SLC44A3: variants seen among roughly 807,000 people sequenced by gnomAD.
The protein encoded by SLC44A3 is solute carrier family 44 member 3, also known as choline transporter-like protein 3.
Under a neutral mutation model 75.4 loss-of-function variants are expected in SLC44A3, and 74 were observed. The ratio of observed to expected loss-of-function variants is 0.98; its 90% CI spans 0.81 to 1.19. The LOEUF (loss-of-function observed/expected upper bound fraction) is 1.19. Among genes scored for constraint, SLC44A3 ranks in the 50% most tolerant of loss-of-function variants. The pLI, the probability that SLC44A3 is intolerant of heterozygous loss-of-function variation, is 0.00. For synonymous variants in SLC44A3, 310 were observed against 296.9 expected, an observed-to-expected ratio of 1.04 and a Z score of -0.45; for missense variants, 700 against 778.6, an observed-to-expected ratio of 0.90 and a Z score of 1.20.
chr1:94,824,637 T>C lies in SLC44A3; in HGVS notation c.278+2T>C. On this transcript the variant is annotated splice_donor_variant, in intron 3 of 14. Transcript: ENST00000271227. LOFTEE classifies it high-confidence loss of function. ...AGGGCAGGACATGACCCTAAAAAAGTAAGTATCTAAATAAGTCCCCAGTCT... is the reference window on the plus strand; with the variant it reads ...AGGGCAGGACATGACCCTAAAAAAGCAAGTATCTAAATAAGTCCCCAGTCT... 6.4e-7 allele frequency: 1 copy of C among 1,574,176 alleles called. No individual in the cohort carries two copies. Among genetic ancestry groups the C allele is most frequent in the Non-Finnish European group, 8.6e-7 (1 of 1,165,694 alleles).
intron 5 of SLC44A3, among the ~76,000 whole-genome samples, chr1:94,837,076 T>C (rs1370464047): frequency 1.3e-5 from 2 of 152,110 alleles, no homozygotes; most frequent in Admixed American, 6.6e-5. Flanking sequence ...AAACCAGGCA[T>C]GTAAGGGCAA....
In SLC44A3 at chr1:94,857,379, C is replaced by G; in HGVS notation, c.1117C>G (p.Leu373Val). Residue 373 changes from leucine (L) to valine (V), a missense_variant, in exon 10 of 15, where the codon CTT becomes GTT. By Grantham distance (32) the Leu-to-Val change is conservative. Coordinates refer to ENST00000271227, the MANE Select transcript of SLC44A3 (RefSeq NM_001114106.3). ...AGGCGGCCAAGTGGAATATAAGCCC[C>G]TTTCGGGCATTCGGTACATGTGGTC... ...MEGGQVEYKP[L>V]SGIRYMWSYH... 1.2e-6 allele frequency: 2 copies of G among 1,613,518 alleles called. No individual in the cohort carries two copies. The highest frequency in any genetic ancestry group is 2.2e-5 in the South Asian group (2 of 90,902).
chr1:94,890,506 A>C (rs1169119129), intron 12 of SLC44A3, among the ~76,000 whole-genome samples: 2 of 152,188 alleles, frequency 1.3e-5, no homozygotes, highest in African/African-American at 4.8e-5. Flanking sequence ...ACCTTCCTGG[A>C]ATGGCTGACT....
chr1:94,827,177 C>A (rs1469745207), intron 3 of SLC44A3, among the ~76,000 whole-genome samples: 1 of 152,226 alleles, frequency 6.6e-6, no homozygotes, highest in African/African-American at 2.4e-5. Context: ...ATAGTTTGTG[C>A]ATTGGCCTGA....
chr1:94,869,571 A>G (rs893170177), intron 12 of SLC44A3, among the ~76,000 whole-genome samples: 1 of 152,156 alleles, frequency 6.6e-6, no homozygotes, highest in Non-Finnish European at 1.5e-5. Flanking sequence ...GAAGAGGAGG[A>G]AGAATGAAAA....
intron 12 of SLC44A3, among the ~76,000 whole-genome samples, chr1:94,869,075 G>A (rs1180346436): frequency 6.6e-6 from 1 of 152,254 alleles, no homozygotes; most frequent in Non-Finnish European, 1.5e-5. Flanking sequence ...TGTACTGAAG[G>A]TTTCATTTGA....
At chr1:94,848,532 C>T (rs2101125381) in intron 9 of SLC44A3, among the ~76,000 whole-genome samples, 1 of 152,308 alleles carries the variant, frequency 6.6e-6, no homozygotes, top group Middle Eastern at 3.4e-3. Flanking sequence ...GCTGGCCCAG[C>T]CAGGGGGCCC....
At chr1:94,832,550 T>A (rs779767578) in intron 5 of SLC44A3, among the ~76,000 whole-genome samples, 6 of 152,230 alleles carry the variant, frequency 3.9e-5, no homozygotes, top group African/African-American at 1.2e-4. Context: ...TTAAATTTAT[T>A]CAGTGGGACT....
In SLC44A3 at chr1:94,892,464, G is replaced by A; in HGVS notation, c.1804G>A (p.Glu602Lys). ...TTTCCTGTGTTTTGCTGTTGATCTG[G>A]AAACAAATGATGGATCGTCAGAAAA... ...ALFLCFAVDLETNDGSSEKPY... is the reference protein window; with the variant it reads ...ALFLCFAVDLKTNDGSSEKPY... Residue 602 changes from glutamate to lysine, a missense_variant, in exon 14 of 15, where the codon GAA (glutamate) becomes AAA (lysine). Coordinates refer to ENST00000271227, the MANE Select transcript of SLC44A3 (RefSeq NM_001114106.3). 1 of 1,614,146 alleles carries A rather than the reference G, an allele frequency of 6.2e-7. No homozygotes were observed. Among genetic ancestry groups the A allele is most frequent in the Non-Finnish European group, 8.5e-7 (1 of 1,180,040 alleles).
intron 3 of SLC44A3, among the ~76,000 whole-genome samples, chr1:94,824,853 T>C (rs1350538283): frequency 1.3e-5 from 2 of 152,202 alleles, no homozygotes; most frequent in African/African-American, 4.8e-5. Flanking sequence ...TGTGTGATCT[T>C]GGGCAGAGTA....
intron 12 of SLC44A3, among the ~76,000 whole-genome samples, chr1:94,883,129 G>T (rs992673720): frequency 6.6e-6 from 1 of 151,622 alleles, no homozygotes; most frequent in African/African-American, 2.4e-5. Context: ...GGCCTTCCAG[G>T]ATGGTGTGAA....
intron 3 of SLC44A3, chr1:94,825,930 A>G (rs1328316103): frequency 1.1e-5 from 5 of 456,126 alleles, no homozygotes; most frequent in Admixed American, 2.3e-5. Context: ...ACAAACAGTC[A>G]TTCCTGGTTG....
chr1:94,878,389 G>A (rs1350347026), intron 12 of SLC44A3, among the ~76,000 whole-genome samples: 3 of 152,186 alleles, frequency 2.0e-5, no homozygotes, highest in African/African-American at 7.2e-5. Context: ...TCCATGGATT[G>A]AAGAATGAAT....
chr1:94,849,946 C>T (rs1331611709), intron 9 of SLC44A3, among the ~76,000 whole-genome samples: 1 of 151,998 alleles, frequency 6.6e-6, no homozygotes, highest in Non-Finnish European at 1.5e-5. Context: ...CAGGATTTTG[C>T]CGTGTTGCCC....
intron 9 of SLC44A3, among the ~76,000 whole-genome samples, chr1:94,857,068 A>G (rs1343442891): frequency 1.3e-5 from 2 of 152,114 alleles, no homozygotes; most frequent in Non-Finnish European, 2.9e-5. Flanking sequence ...CACATCCACA[A>G]AGTGGGATGA....
intron 12 of SLC44A3, among the ~76,000 whole-genome samples, chr1:94,890,772 A>T (rs954227159): frequency 6.6e-6 from 1 of 152,182 alleles, no homozygotes; most frequent in Non-Finnish European, 1.5e-5. Context: ...GCTTGAGCCC[A>T]GGAGGCAGAG....
chr1:94,854,114 A>G (rs1665557090), intron 9 of SLC44A3, among the ~76,000 whole-genome samples: 1 of 152,220 alleles, frequency 6.6e-6, no homozygotes, highest in Admixed American at 6.5e-5. Context: ...TAAAAGCCAC[A>G]AGACAGGACG....
At chr1:94,857,557 A>G (rs1035824633) in intron 10 of SLC44A3, 57 bp downstream of exon 10, 7 of 1,473,772 alleles carry the variant, frequency 4.7e-6, no homozygotes, top group African/African-American at 4.3e-5. Context: ...TATGTGCTTC[A>G]TGTTAATATC....
intron 12 of SLC44A3, among the ~76,000 whole-genome samples, chr1:94,875,229 G>T (rs1668153194): frequency 6.6e-6 from 1 of 152,158 alleles, no homozygotes; most frequent in Non-Finnish European, 1.5e-5. Flanking sequence ...CAAATGAGAG[G>T]CATTAGCCTA....
Sources: gnomAD v4.1 joint callset for allele counts (sites outside exome capture counted in the v4.1 genomes callset) on GRCh38, gnomAD v4.1.1 for gene constraint, MANE v1.5 for transcripts, NCBI Gene and HGNC (gene_info 2026-07-23, HGNC 2026-07-21) for gene names.